EIF4E3: variants seen among roughly 807,000 people sequenced by gnomAD.
EIF4E3 encodes eukaryotic translation initiation factor 4E family member 3.
EIF4E3 carries 26 observed loss-of-function variants against 31.7 expected under a neutral mutation model. The ratio of observed to expected loss-of-function variants is 0.82; its 90% CI spans 0.60 to 1.14. The LOEUF is 1.14. EIF4E3 is among the 50% of genes most tolerant of loss of function. The pLI is 0.00. For synonymous variants in EIF4E3, 128 were observed against 107.7 expected (o/e 1.19, Z -1.17); for missense variants, 304 against 270.9 (o/e 1.12, Z -0.86).
intron 1 of EIF4E3, among the ~76,000 whole-genome samples, chr3:71,723,437 G>A (rs560397887): frequency 6.6e-6 from 1 of 152,280 alleles, no homozygotes; most frequent in South Asian, 2.1e-4. Flanking sequence ...TATTTCATTT[G>A]ATGATCGACC....
At position 71,692,598 on chromosome 3, in the gene EIF4E3, C is replaced by T. The variant is rs112228620; in HGVS notation, c.472+1277G>A. 6.3e-3 allele frequency among the ~76,000 whole-genome samples: 604 copies of T among 96,360 alleles called. 4 individuals carry two copies. Among genetic ancestry groups the T allele is most frequent in the African/African-American group, 0.022 (500 of 22,576 alleles). 63.2% of individuals were successfully genotyped at this position (96,360 alleles called of 152,430 possible). A position where few individuals can be genotyped will look rare whatever the true frequency, so the allele number is the denominator to read the frequency against. Reference sequence around the variant, plus strand: ...ACAAATTTATCTTAACCCAGGTCTTCTTTTTTTTTTTTTTTGAAACAGGGT... The same window carrying T: ...ACAAATTTATCTTAACCCAGGTCTTTTTTTTTTTTTTTTTTGAAACAGGGT... On this transcript the variant is annotated intron_variant, in intron 5 of 6. Transcript: ENST00000425534.
At chr3:71,722,795 G>C (rs1330490496) in intron 1 of EIF4E3, among the ~76,000 whole-genome samples, 2 of 152,182 alleles carry the variant, frequency 1.3e-5, no homozygotes, top group Non-Finnish European at 2.9e-5. Flanking sequence ...TATGGGGAGG[G>C]GTTGGTAGCT....
chr3:71,746,474 A>C (rs1421349894), intron 1 of EIF4E3, among the ~76,000 whole-genome samples: 1 of 152,246 alleles, frequency 6.6e-6, no homozygotes, highest in African/African-American at 2.4e-5. Flanking sequence ...ATCCTTATGC[A>C]CATGATCATA....
At position 71,746,101 on chromosome 3, in the gene EIF4E3, A is replaced by G. The variant is rs192952563; in HGVS notation, c.-291+7362T>C. On this transcript the variant is annotated intron_variant, in intron 1 of 7. Transcript: ENST00000295612. ...CCAATAGATTTTCTTTCAATTATAT[A>G]TTAGTCGACAAAGCTTTCTGTACAT... Among the ~76,000 whole-genome samples the G allele has an allele frequency of 5.7e-4, 87 of 152,284 alleles. 1 individual carries two copies. The South Asian group carries it at 7.9e-3, about 14-fold the overall frequency.
downstream of EIF4E3, chr3:71,675,368 T>C (rs1021147572): frequency 6.6e-6 from 1 of 152,202 alleles, no homozygotes; most frequent in African/African-American, 2.4e-5. Flanking sequence ...GTTAGGCATG[T>C]GTGTCTGCAG....
At chr3:71,665,076 G>A in the EIF4E3 span, among the ~76,000 whole-genome samples, 1 of 152,102 alleles carries the variant, frequency 6.6e-6, no homozygotes, top group Non-Finnish European at 1.5e-5. Context: ...CCTGCAATGA[G>A]GCAGCCCTGA....
At chr3:71,668,111 C>T in the EIF4E3 span, among the ~76,000 whole-genome samples, 1 of 152,168 alleles carries the variant, frequency 6.6e-6, no homozygotes, top group African/African-American at 2.4e-5. Context: ...ACATCTATAG[C>T]TATCTGATCT....
At chr3:71,715,868 T>G (rs1288851763) in intron 1 of EIF4E3, among the ~76,000 whole-genome samples, 4 of 152,192 alleles carry the variant, frequency 2.6e-5, no homozygotes, top group African/African-American at 9.7e-5. Context: ...CTTCACAGAT[T>G]AGGAAACTGA....
intron 1 of EIF4E3, among the ~76,000 whole-genome samples, chr3:71,750,771 T>G (rs1350796878): frequency 2.0e-5 from 3 of 151,588 alleles, no homozygotes; most frequent in Non-Finnish European, 2.9e-5. Context: ...AATTGGTTTT[T>G]TTTTTTTTTT....
intron 2 of EIF4E3, among the ~76,000 whole-genome samples, chr3:71,703,811 C>CAAAAAAAAAAAAAAAAAAAA (rs370789059): frequency 1.4e-5 from 1 of 72,472 alleles, no homozygotes; most frequent in East Asian, 4.1e-4. Context: ...AAACACACAT[C>CAAAAAAAAAAAAAAAAAAAA]AAAAAAAAAA....
chr3:71,707,341 C>T (rs1225145041), intron 2 of EIF4E3, among the ~76,000 whole-genome samples: 1 of 152,196 alleles, frequency 6.6e-6, no homozygotes, highest in Non-Finnish European at 1.5e-5. Context: ...GGCATTGTGA[C>T]AACCCTAGCC....
intron 1 of EIF4E3, among the ~76,000 whole-genome samples, chr3:71,734,860 A>C (rs1302195292): frequency 1.3e-5 from 2 of 152,216 alleles, no homozygotes; most frequent in Non-Finnish European, 2.9e-5. Context: ...CGTGCTCATT[A>C]GTATTTGGCC....
chr3:71,703,811 C>CAAAAAAAAAAAAAAAAA (rs370789059), intron 2 of EIF4E3, among the ~76,000 whole-genome samples: 1 of 72,472 alleles, frequency 1.4e-5, no homozygotes, highest in African/African-American at 5.8e-5. Context: ...AAACACACAT[C>CAAAAAAAAAAAAAAAAA]AAAAAAAAAA....
At position 71,679,682 on chromosome 3, in the gene EIF4E3, T is replaced by C. The variant is rs2048901159; in HGVS notation, c.*5000A>G. On this transcript the variant is annotated 3_prime_UTR_variant, in exon 7 of 7. Transcript: ENST00000425534. ...ACTCACATCGTTTAGGGAATACTTA[T>C]TTGATTTTTTTGACATTTCTATGTA... 1 of 151,960 alleles carries C rather than the reference T, an allele frequency of 6.6e-6. No individual in the cohort carries two copies. Among genetic ancestry groups the C allele is most frequent in the Non-Finnish European group, 1.5e-5 (1 of 68,012 alleles). 9.4% of individuals were successfully genotyped at this position (151,960 alleles called of 1,614,324 possible). A position where few individuals can be genotyped will look rare whatever the true frequency, so the allele number is the denominator to read the frequency against.
the EIF4E3 span, among the ~76,000 whole-genome samples, chr3:71,662,606 C>G: frequency 3.3e-5 from 5 of 152,180 alleles, no homozygotes; most frequent in Non-Finnish European, 4.4e-5. Context: ...TCTCTTGTCT[C>G]AGGTAGAAGA....
the EIF4E3 span, among the ~76,000 whole-genome samples, chr3:71,660,147 T>C: frequency 6.6e-6 from 1 of 151,854 alleles, no homozygotes; most frequent in Admixed American, 6.6e-5. Flanking sequence ...GGGTAGGACT[T>C]GGTGGGGGTG....
chr3:71,671,993 T>C (rs760093416), downstream of EIF4E3, among the ~76,000 whole-genome samples: 12 of 152,282 alleles, frequency 7.9e-5, no homozygotes, highest in Non-Finnish European at 1.6e-4. Context: ...GGGTTTTGCA[T>C]TGAAATCCTG....
chr3:71,707,219 T>C (rs2049306145), intron 2 of EIF4E3, among the ~76,000 whole-genome samples: 1 of 152,200 alleles, frequency 6.6e-6, no homozygotes, highest in African/African-American at 2.4e-5. Context: ...CATAACAGCA[T>C]GATAAAATTA....
At chr3:71,669,804 A>G in the EIF4E3 span, among the ~76,000 whole-genome samples, 11 of 152,202 alleles carry the variant, frequency 7.2e-5, no homozygotes, top group East Asian at 7.7e-4. Flanking sequence ...AGCAGAACAA[A>G]AAAAGGAGAA....
Sources: gnomAD v4.1 joint callset for allele counts (sites outside exome capture counted in the v4.1 genomes callset) on GRCh38, gnomAD v4.1.1 for gene constraint, MANE v1.5 for transcripts, NCBI Gene and HGNC (gene_info 2026-07-23, HGNC 2026-07-21) for gene names.